MTSS1: variants seen among roughly 807,000 people sequenced by gnomAD.
MTSS1 encodes MTSS I-BAR domain containing 1.
Under a neutral mutation model 79.0 loss-of-function variants are expected in MTSS1, and 18 were observed. The observed-to-expected ratio is 0.23, with a 90% CI of 0.16 to 0.34. The LOEUF (loss-of-function observed/expected upper bound fraction) is 0.34. Among genes scored for constraint, MTSS1 ranks in the 10% least tolerant of loss-of-function variants. MTSS1 has a pLI of 1.00. For synonymous variants in MTSS1, 341 were observed against 368.6 expected (o/e 0.93, Z 0.86); for missense variants, 815 against 986.2 (o/e 0.83, Z 2.33).
At chr8:124,669,048 A>G (rs944407677) in intron 3 of MTSS1, among the ~76,000 whole-genome samples, 25 of 152,176 alleles carry the variant, frequency 1.6e-4, no homozygotes, top group Non-Finnish European at 3.1e-4. Flanking sequence ...CACTGACTTC[A>G]TTTTGTTCCA....
Position 124,557,762 on chromosome 8 carries a change from G to GGTC in MTSS1, c.1148_1149insGAC (p.Thr383dup), listed in dbSNP as rs1440536919. The GGTC allele has an allele frequency of 1.9e-6, 3 of 1,605,410 alleles. No individual in the cohort carries two copies. The Admixed American group carries it at 5.1e-5, about 27-fold the overall frequency. ...GAGCGTAGTCTGGAAGGTGGACAGA[G>GGTC]GTGACCCGAGGGAGCAGGCGGGAGG... On this transcript the variant is annotated inframe_insertion, in exon 11 of 14. Coordinates refer to ENST00000518547, the MANE Select transcript of MTSS1 (RefSeq NM_014751.6).
chr8:124,670,414 C>T (rs539818399), intron 3 of MTSS1, among the ~76,000 whole-genome samples: 9 of 151,488 alleles, frequency 5.9e-5, no homozygotes, highest in East Asian at 3.9e-4. Flanking sequence ...CACAGCCTGG[C>T]GGCACCCCAC....
In MTSS1 at chr8:124,652,812, A is replaced by C. The variant is rs1049126266; in HGVS notation, c.208+46714T>G. Among the ~76,000 whole-genome samples, 11 of 151,142 alleles carry C rather than the reference A, an allele frequency of 7.3e-5. No individual in the cohort carries two copies. The East Asian group carries it at 1.4e-3, about 19-fold the overall frequency. On this transcript the variant is annotated intron_variant, in intron 3 of 13. Coordinates refer to ENST00000518547, the MANE Select transcript of MTSS1 (RefSeq NM_014751.6). ...TCCGTCTCAAAAAAAAAAAAAAAAA[A>C]ACACAGCCATCAAGAGCAACTCTAA...
intron 3 of MTSS1, among the ~76,000 whole-genome samples, chr8:124,680,564 C>T (rs1050861793): frequency 1.3e-5 from 2 of 152,214 alleles, no homozygotes; most frequent in African/African-American, 4.8e-5. Flanking sequence ...CTTCAGGTTC[C>T]CGTCTCTAAC....
rs750229073 is a variant in MTSS1, at chr8:124,727,929, G to A, written c.27C>T (p.Cys9=). 5.0e-6 allele frequency: 8 copies of A among 1,610,216 alleles called. No individual in the cohort carries two copies. The Admixed American group carries it at 1.3e-4, about 27-fold the overall frequency. The change falls in exon 1 of 14, where the codon TGC becomes TGT. Residue 9 remains cysteine, a synonymous_variant. Transcript: ENST00000518547. The surrounding 1 kb of genome is among the most constrained non-coding windows in gnomAD (Gnocchi z 4.7). MEAVIEKE[C]SALGGLFQTI... is the part of the protein sequence containing the mutation. ...TCTGGAAGAGGCCTCCGAGCGCGCT[G>A]CATTCCTTCTCAATCACAGCCTCCA...
chr8:124,665,584 A>G (rs1190779944), intron 3 of MTSS1, among the ~76,000 whole-genome samples: 1 of 152,152 alleles, frequency 6.6e-6, no homozygotes, highest in African/African-American at 2.4e-5. Flanking sequence ...TCTGGCCCCC[A>G]AGGCCGGGCA....
intron 9 of MTSS1, 83 bp from the exon 10 acceptor site, chr8:124,563,075 G>A (rs1385017648): frequency 2.5e-6 from 3 of 1,195,316 alleles, no homozygotes; most frequent in Non-Finnish European, 3.5e-6. Flanking sequence ...GGAAGGAGGG[G>A]AACAGATGAG....
At chr8:124,707,967 G>C (rs1830635944) in intron 1 of MTSS1, among the ~76,000 whole-genome samples, 1 of 152,230 alleles carries the variant, frequency 6.6e-6, no homozygotes, top group South Asian at 2.1e-4. Flanking sequence ...TGGGTCCTGA[G>C]GTCTAGTCAC....
chr8:124,556,539 C>A (rs1823840167), intron 11 of MTSS1, 134 bp from the exon 12 acceptor site: 1 of 970,742 alleles, frequency 1.0e-6, no homozygotes, highest in South Asian at 1.7e-5. Flanking sequence ...AAGCCACAGG[C>A]CCTCTGCATG....
At chr8:124,660,471 C>A (rs564866692) in intron 3 of MTSS1, among the ~76,000 whole-genome samples, 3 of 150,268 alleles carry the variant, frequency 2.0e-5, no homozygotes, top group African/African-American at 7.5e-5. Context: ...CACACACACA[C>A]ACCCTCAAGC....
chr8:124,603,789 G>A (rs370485444), intron 3 of MTSS1, among the ~76,000 whole-genome samples: 17 of 152,244 alleles, frequency 1.1e-4, no homozygotes, highest in South Asian at 4.1e-4. Context: ...ACTGAGCAGC[G>A]TCCTGATACC....
At chr8:124,671,816 TC>T (rs1293553234) in intron 3 of MTSS1, among the ~76,000 whole-genome samples, 7 of 152,214 alleles carry the variant, frequency 4.6e-5, no homozygotes, top group Non-Finnish European at 8.8e-5. Context: ...AACATCCATT[TC>T]CTTTATCAAA....
intron 3 of MTSS1, 102 bp downstream of exon 3, chr8:124,699,424 A>C (rs1829372477): frequency 2.0e-6 from 2 of 1,023,394 alleles, no homozygotes; most frequent in Non-Finnish European, 1.5e-6. Context: ...GAGTCAGCTC[A>C]GCTCTGATAA....
At chr8:124,599,503 G>A (rs1340337296) in intron 3 of MTSS1, among the ~76,000 whole-genome samples, 10 of 144,904 alleles carry the variant, frequency 6.9e-5, no homozygotes, top group Admixed American at 1.4e-4. Context: ...AAAAAAAAAA[G>A]AGAGAGAGAA....
At chr8:124,657,021 A>G (rs1369967898) in intron 3 of MTSS1, among the ~76,000 whole-genome samples, 1 of 152,188 alleles carries the variant, frequency 6.6e-6, no homozygotes, top group Non-Finnish European at 1.5e-5. Context: ...AAATTAAAGG[A>G]ACATATGAAC....
At chr8:124,698,439 G>T (rs889512847) in intron 3 of MTSS1, among the ~76,000 whole-genome samples, 1 of 151,878 alleles carries the variant, frequency 6.6e-6, no homozygotes, top group African/African-American at 2.4e-5. Context: ...CAATGAAAAG[G>T]AAATCACCCT....
intron 9 of MTSS1, chr8:124,563,450 G>T (rs1260708527): frequency 2.0e-5 from 4 of 195,384 alleles, no homozygotes; most frequent in Admixed American, 1.1e-4. Context: ...GAATGTTCTT[G>T]GATGGACCAT....
At chr8:124,605,634 G>T (rs62530668) in intron 3 of MTSS1, among the ~76,000 whole-genome samples, 22,289 of 125,540 alleles carry the variant, frequency 0.18, 3,215 homozygotes, top group African/African-American at 0.37. Context: ...CCCTGCCCTC[G>T]CGCTGGGCTC....
chr8:124,687,109 C>T (rs1205038051), intron 3 of MTSS1, among the ~76,000 whole-genome samples: 3 of 152,140 alleles, frequency 2.0e-5, no homozygotes, highest in African/African-American at 4.8e-5. Context: ...CACACTCTCC[C>T]GGCACTCGCT....
Sources: gnomAD v4.1 joint callset for allele counts (sites outside exome capture counted in the v4.1 genomes callset) on GRCh38, gnomAD v4.1.1 for gene constraint, Gnocchi (gnomAD v3.1) non-coding constraint, MANE v1.5 for transcripts, NCBI Gene and HGNC (gene_info 2026-07-23, HGNC 2026-07-21) for gene names.